Variants in EYA3 observed in about 807,000 individuals in gnomAD.
EYA3 encodes EYA transcriptional coactivator and phosphatase 3.
EYA3 carries 39 observed loss-of-function variants against 80.0 expected under a neutral mutation model. That is an observed-to-expected ratio of 0.49 (90% CI 0.38 to 0.64). EYA3 has a LOEUF of 0.64. Ranked by LOEUF, EYA3 falls within the 30% of genes least tolerant of loss-of-function variation. The pLI, the probability that EYA3 is intolerant of heterozygous loss-of-function variation, is 0.00. For missense variants in EYA3, 523 were observed against 676.1 expected (o/e 0.77, Z 2.51); for synonymous variants, 206 against 232.8 (o/e 0.88, Z 1.05).
At chr1:28,018,521 C>A (rs1306007475) in intron 7 of EYA3, among the ~76,000 whole-genome samples, 1 of 152,160 alleles carries the variant, frequency 6.6e-6, no homozygotes, top group African/African-American at 2.4e-5. Context: ...TGACTACCTG[C>A]CCCATTAACA....
At chr1:27,999,211 C>T (rs1275883655) in intron 12 of EYA3, among the ~76,000 whole-genome samples, 1 of 152,230 alleles carries the variant, frequency 6.6e-6, no homozygotes, top group Non-Finnish European at 1.5e-5. Context: ...ACTCATCCCT[C>T]TCCATAGATG....
At chr1:28,005,400 T>G (rs1040479508) in intron 10 of EYA3, among the ~76,000 whole-genome samples, 3 of 152,072 alleles carry the variant, frequency 2.0e-5, no homozygotes, top group Admixed American at 1.3e-4. Flanking sequence ...GACCAACATC[T>G]CTTGTGAAAA....
At chr1:28,041,388 C>A (rs533127240) in intron 4 of EYA3, among the ~76,000 whole-genome samples, 132 of 150,980 alleles carry the variant, frequency 8.7e-4, no homozygotes, top group African/African-American at 2.4e-3. Flanking sequence ...CAAACAACAA[C>A]AAAAAAATAC....
intron 1 of EYA3, among the ~76,000 whole-genome samples, chr1:28,087,084 C>T (rs1645682890): frequency 6.6e-6 from 1 of 152,212 alleles, no homozygotes; most frequent in African/African-American, 2.4e-5. Flanking sequence ...TTTTAAAGCA[C>T]AATTTATAGA....
intron 11 of EYA3, among the ~76,000 whole-genome samples, 195 bp downstream of exon 11, chr1:28,004,133 AACTTTACC>A (rs1366746435): frequency 6.6e-6 from 1 of 152,196 alleles, no homozygotes; most frequent in African/African-American, 2.4e-5. Flanking sequence ...AGTAGTTTCT[AACTTTACC>A]ACTTTACCAT....
At chr1:28,004,542 T>A in intron 10 of EYA3, 123 bp from the exon 11 acceptor site, 1 of 615,014 alleles carries the variant, frequency 1.6e-6, no homozygotes, top group Admixed American at 3.1e-5. Flanking sequence ...AATACAATCC[T>A]AAACAACCAA....
At chr1:28,063,406 G>A (rs1189407005) in intron 1 of EYA3, among the ~76,000 whole-genome samples, 1 of 140,064 alleles carries the variant, frequency 7.1e-6, no homozygotes, top group Admixed American at 7.3e-5. Context: ...ACCCAGGCTG[G>A]AGCACAGCGG....
chr1:28,002,274 C>A (rs1469938631), intron 11 of EYA3, among the ~76,000 whole-genome samples: 2 of 152,094 alleles, frequency 1.3e-5, no homozygotes, highest in Non-Finnish European at 2.9e-5. Flanking sequence ...GTCTCGAATT[C>A]CTGGCCTCAG....
chr1:28,024,110 G>C (rs998730516), intron 7 of EYA3, among the ~76,000 whole-genome samples: 44 of 152,142 alleles, frequency 2.9e-4, no homozygotes, highest in Non-Finnish European at 5.7e-4. Flanking sequence ...ATGGTGGCAT[G>C]TGCCTGTAAT....
chr1:28,081,970 G>A (rs1179696549), intron 1 of EYA3, among the ~76,000 whole-genome samples: 2 of 151,968 alleles, frequency 1.3e-5, no homozygotes, highest in Non-Finnish European at 2.9e-5. Context: ...AATTTAAAAG[G>A]GAATTGCTTT....
intron 6 of EYA3, among the ~76,000 whole-genome samples, chr1:28,033,415 T>C (rs1317223509): frequency 6.6e-6 from 1 of 152,152 alleles, no homozygotes; most frequent in Non-Finnish European, 1.5e-5. Flanking sequence ...CCAGTAAGTC[T>C]CATACATTAC....
chr1:28,064,315 C>T (rs1041431063), intron 1 of EYA3, among the ~76,000 whole-genome samples: 1 of 150,796 alleles, frequency 6.6e-6, no homozygotes, highest in African/African-American at 2.4e-5. Flanking sequence ...TTAACAAATG[C>T]TTATTTTTCA....
intron 3 of EYA3, among the ~76,000 whole-genome samples, chr1:28,047,147 T>A (rs1644040643): frequency 6.6e-6 from 1 of 151,304 alleles, no homozygotes; most frequent in Admixed American, 6.6e-5. Context: ...AAGTTCCTTT[T>A]TTTTTTTGAG....
At position 28,039,115 on chromosome 1, in the gene EYA3, T is replaced by C. The variant is rs1571869216; in HGVS notation, c.158-210A>G. ...CCAGAGGCAGTTAAAAAAAGAAGGG[T>C]GGGGTATGGAAAAGAGCTGAAGGTT... is the stretch of plus-strand genomic sequence containing the variant. On this transcript the variant is annotated intron_variant, in intron 4 of 17. Transcript: ENST00000373871. Among the ~76,000 whole-genome samples, 4 of 152,032 alleles carry C rather than the reference T, an allele frequency of 2.6e-5. No homozygotes were observed. In the East Asian group the frequency reaches 7.7e-4, roughly 29 times the overall value.
chr1:28,025,088 T>C (rs562379192), intron 7 of EYA3, among the ~76,000 whole-genome samples: 1 of 152,306 alleles, frequency 6.6e-6, no homozygotes, highest in South Asian at 2.1e-4. Context: ...TCACTATCCA[T>C]GCTAAAAGGA....
rs186431555 is a variant in EYA3, at chr1:27,989,811, C to A, written c.1304G>T (p.Gly435Val). The change falls in exon 15 of 18, where the codon GGT becomes GTT. Residue 435 changes from glycine (G) to valine (V), a missense_variant and splice_region_variant. By Grantham distance (109) the Gly-to-Val change is moderately radical. This residue lies in a region of EYA3 where 219 missense variants were observed against 332.8 expected (regional missense o/e 0.66). Transcript: ENST00000373871. ...IYDKHKSNVG[G>V]LLSPQRKEAL... Reference sequence around the variant, plus strand: ...TTCCTTCCTCTGGGGACTGAGGAGACCTTTAGGAATAAAAGCAGACACATT... The same window carrying A: ...TTCCTTCCTCTGGGGACTGAGGAGAACTTTAGGAATAAAAGCAGACACATT... 14 of 1,576,890 alleles carry A rather than the reference C, an allele frequency of 8.9e-6. No individual in the cohort carries two copies. In the Admixed American group the frequency reaches 2.0e-4, roughly 22 times the overall value.
At chr1:28,072,090 C>T (rs1392180414) in intron 1 of EYA3, among the ~76,000 whole-genome samples, 1 of 152,046 alleles carries the variant, frequency 6.6e-6, no homozygotes, top group Non-Finnish European at 1.5e-5. Context: ...AATGATGACA[C>T]ACAAATTGAA....
intron 3 of EYA3, among the ~76,000 whole-genome samples, chr1:28,043,108 G>T (rs1481455696): frequency 1.3e-5 from 2 of 152,138 alleles, no homozygotes; most frequent in Non-Finnish European, 2.9e-5. Flanking sequence ...CTCCCAAAGT[G>T]CTGGGATTAC....
In EYA3 at chr1:28,088,370, G is replaced by C. The variant is rs145080982; in HGVS notation, c.-69+154C>G. ...GAGGTGAATAAGGCGAGGCCAGCGT[G>C]AAGGAAAGGGCTGAGGTGAGTGAAG... On this transcript the variant is annotated intron_variant, in intron 1 of 17. Transcript: ENST00000373871. 1.2e-4 allele frequency among the ~76,000 whole-genome samples: 19 copies of C among 152,264 alleles called. No homozygotes were observed. The East Asian group carries it at 3.5e-3, about 28-fold the overall frequency.
Sources: allele counts gnomAD v4.1 joint callset (sites outside exome capture counted in the v4.1 genomes callset), GRCh38; gene constraint gnomAD v4.1.1; regional missense constraint gnomAD v4.1.1; transcripts MANE v1.5; gene names NCBI Gene and HGNC (gene_info 2026-07-23, HGNC 2026-07-21).